SHTN1: variants seen among roughly 807,000 people sequenced by gnomAD.
SHTN1 encodes shootin 1.
SHTN1 carries 42 observed loss-of-function variants against 83.1 expected under a neutral mutation model. The ratio of observed to expected loss-of-function variants is 0.51; its 90% CI spans 0.39 to 0.65. The LOEUF is 0.65. Among genes scored for constraint, SHTN1 ranks in the 30% least tolerant of loss-of-function variants. The probability of loss-of-function intolerance (pLI) is 0.00; values close to 1 mark genes in which losing one functional copy is unlikely to be tolerated. For synonymous variants in SHTN1, 224 were observed against 247.7 expected (o/e 0.90, Z 0.90); for missense variants, 622 against 737.8 (o/e 0.84, Z 1.82).
At chr10:117,086,164 C>T (rs1412054425) in intron 1 of SHTN1, among the ~76,000 whole-genome samples, 1 of 152,116 alleles carries the variant, frequency 6.6e-6, no homozygotes, top group Non-Finnish European at 1.5e-5. Context: ...GTGATCTGCC[C>T]GCCTTGGCCT....
rs565978466 is a variant in SHTN1 at position 116,897,165 on chromosome 10, C to T, written c.1673+4600G>A. Among the ~76,000 whole-genome samples, 112 of 152,238 alleles carry T rather than the reference C, an allele frequency of 7.4e-4. 2 individuals are homozygous for T. The South Asian group carries it at 0.022, about 30-fold the overall frequency. On this transcript the variant is annotated intron_variant, in intron 16 of 16. Coordinates refer to ENST00000355371, the MANE Select transcript of SHTN1 (RefSeq NM_001127211.3). ...AAAGGTCTAAATGCATTTGGGGCAA[C>T]AGTGAAGGGCTGCAATGGGTATGTT... is the stretch of plus-strand genomic sequence containing the variant.
At chr10:117,081,964 T>C (rs1853272565) in intron 1 of SHTN1, among the ~76,000 whole-genome samples, 1 of 147,478 alleles carries the variant, frequency 6.8e-6, no homozygotes, top group Non-Finnish European at 1.5e-5. Context: ...CTATCAATTT[T>C]GTTGATCCTT....
At chr10:116,965,122 G>T (rs946078707) in intron 3 of SHTN1, among the ~76,000 whole-genome samples, 1 of 152,312 alleles carries the variant, frequency 6.6e-6, no homozygotes, top group Non-Finnish European at 1.5e-5. Context: ...AAATGACATG[G>T]ACATATGGAT....
At chr10:116,972,517 TTCTC>T (rs1850652707) in intron 2 of SHTN1, among the ~76,000 whole-genome samples, 1 of 152,184 alleles carries the variant, frequency 6.6e-6, no homozygotes, top group Admixed American at 6.5e-5. Context: ...CTTGCAAACT[TTCTC>T]TCATTCTATC....
intron 16 of SHTN1, among the ~76,000 whole-genome samples, chr10:116,893,134 AG>A (rs987342114): frequency 1.3e-5 from 2 of 152,160 alleles, no homozygotes; most frequent in African/African-American, 4.8e-5. Flanking sequence ...ATTAATCTGG[AG>A]GAAGTTGCTG....
At chr10:116,893,298 T>C (rs892661850) in intron 16 of SHTN1, among the ~76,000 whole-genome samples, 1 of 152,154 alleles carries the variant, frequency 6.6e-6, no homozygotes, top group African/African-American at 2.4e-5. Flanking sequence ...GCTAATTTTG[T>C]TGTTAAAACT....
intron 16 of SHTN1, among the ~76,000 whole-genome samples, chr10:116,889,666 CCT>C (rs1178202013): frequency 6.6e-6 from 1 of 152,182 alleles, no homozygotes; most frequent in Non-Finnish European, 1.5e-5. Flanking sequence ...CTCCTGTCTC[CCT>C]GTTTCTGCCT....
At chr10:117,008,306 T>G (rs1852051240), upstream of SHTN1, among the ~76,000 whole-genome samples, 5 of 151,960 alleles carry the variant, frequency 3.3e-5, no homozygotes, top group Non-Finnish European at 7.4e-5. Flanking sequence ...TTTATTTAAT[T>G]TTTCAGGTAA....
intron 1 of SHTN1, among the ~76,000 whole-genome samples, chr10:117,060,089 C>T (rs1439018547): frequency 2.0e-5 from 3 of 151,850 alleles, no homozygotes; most frequent in South Asian, 2.1e-4. Flanking sequence ...GGTGCATGCC[C>T]GTAGTCCTAG....
intron 1 of SHTN1, among the ~76,000 whole-genome samples, chr10:117,100,231 C>T (rs2133628334): frequency 6.6e-6 from 1 of 152,200 alleles, no homozygotes; most frequent in African/African-American, 2.4e-5. Flanking sequence ...AAGCATCTGG[C>T]ACACATCAGA....
chr10:117,090,470 T>C (rs1340790322), intron 1 of SHTN1, among the ~76,000 whole-genome samples: 1 of 152,200 alleles, frequency 6.6e-6, no homozygotes, highest in East Asian at 1.9e-4. Flanking sequence ...GAAGAAGTTC[T>C]GGAGATTAGC....
intron 13 of SHTN1, among the ~76,000 whole-genome samples, chr10:116,913,075 T>C (rs1370331981): frequency 6.6e-6 from 1 of 152,008 alleles, no homozygotes; most frequent in Non-Finnish European, 1.5e-5. Flanking sequence ...CCACCACCAC[T>C]ACCACCAAGG....
chr10:117,028,126 T>C (rs1852357002), intron 2 of SHTN1, among the ~76,000 whole-genome samples: 1 of 152,186 alleles, frequency 6.6e-6, no homozygotes, highest in African/African-American at 2.4e-5. Flanking sequence ...AGCAAAGAAC[T>C]TGGCTACATT....
intron 2 of SHTN1, among the ~76,000 whole-genome samples, chr10:117,015,832 G>A (rs1852174256): frequency 6.6e-6 from 1 of 152,124 alleles, no homozygotes; most frequent in Non-Finnish European, 1.5e-5. Context: ...TGTTCCTATT[G>A]ACTCTATAGC....
intron 16 of SHTN1, among the ~76,000 whole-genome samples, chr10:116,898,742 A>AAAAC (rs561646418): frequency 7.3e-4 from 111 of 152,202 alleles, no homozygotes; most frequent in Middle Eastern, 3.4e-3. Context: ...TTTTTTCTTA[A>AAAAC]AAACAAACAA....
Position 116,886,142 on chromosome 10 carries a change from CA to C in SHTN1, c.*201del. The C allele has an allele frequency of 1.4e-6, 1 of 709,072 alleles. No homozygotes were observed. The highest frequency in any genetic ancestry group is 2.2e-6 in the Non-Finnish European group (1 of 453,680). 43.9% of individuals were successfully genotyped at this position (709,072 alleles called of 1,614,324 possible). On this transcript the variant is annotated 3_prime_UTR_variant, in exon 17 of 17. Transcript: ENST00000355371. The stretch of plus-strand genomic sequence containing the variant: ...CTCATCTTTATAAAGATCAAAAAAC[CA>C]AAACCTACTAGGAATGTGTGTTTTG...
chr10:116,936,048 T>C (rs978119053), intron 9 of SHTN1, among the ~76,000 whole-genome samples: 1 of 152,158 alleles, frequency 6.6e-6, no homozygotes, highest in African/African-American at 2.4e-5. Context: ...TATTTGATTC[T>C]TCTCTCTTTT....
intron 1 of SHTN1, among the ~76,000 whole-genome samples, chr10:117,074,713 A>C (rs1027291218): frequency 5.9e-5 from 9 of 152,220 alleles, no homozygotes; most frequent in African/African-American, 2.2e-4. Context: ...CAGGGAACTG[A>C]GACTAGGAAC....
intron 1 of SHTN1, among the ~76,000 whole-genome samples, chr10:117,052,214 T>G (rs1852755520): frequency 6.6e-6 from 1 of 151,174 alleles, no homozygotes; most frequent in Non-Finnish European, 1.5e-5. Flanking sequence ...AGGAATAAAT[T>G]TACCCAAGGA....
Sources: allele counts gnomAD v4.1 joint callset (sites outside exome capture counted in the v4.1 genomes callset), GRCh38; gene constraint gnomAD v4.1.1; transcripts MANE v1.5; gene names NCBI Gene and HGNC (gene_info 2026-07-23, HGNC 2026-07-21).